The following CAPZB variants were observed in gnomAD, a reference collection of about 807,000 sequenced individuals.
The protein encoded by CAPZB is F-actin-capping protein subunit beta.
CAPZB carries 2 observed loss-of-function variants against 38.1 expected under a neutral mutation model. That is an observed-to-expected ratio of 0.05 (90% CI 0.02 to 0.17). The LOEUF is 0.17. Among genes scored for constraint, CAPZB ranks in the 10% least tolerant of loss-of-function variants. The pLI, the probability that CAPZB is intolerant of heterozygous loss-of-function variation, is 1.00. For missense variants in CAPZB, 161 were observed against 334.2 expected (o/e 0.48, Z 4.04); for synonymous variants, 107 against 127.4 (o/e 0.84, Z 1.08).
At chr1:19,386,207 T>C (rs2094203179) in intron 2 of CAPZB, among the ~76,000 whole-genome samples, 1 of 152,152 alleles carries the variant, frequency 6.6e-6, no homozygotes, top group Non-Finnish European at 1.5e-5. Context: ...CACCTCCGGC[T>C]GGCCTGCCAG....
intron 1 of CAPZB, among the ~76,000 whole-genome samples, chr1:19,454,495 C>A (rs1049249937): frequency 6.6e-6 from 1 of 152,174 alleles, no homozygotes; most frequent in African/African-American, 2.4e-5. Flanking sequence ...CACTCCTGAG[C>A]GCTTAGAGTA....
At chr1:19,449,172 A>G (rs2094506305) in intron 1 of CAPZB, 1 of 1,294,548 alleles carries the variant, frequency 7.7e-7, no homozygotes, top group Non-Finnish European at 9.9e-7. Context: ...CACAAAGTGC[A>G]CTGCGGTGTC....
At chr1:19,368,081 C>T (rs1438301541) in intron 4 of CAPZB, among the ~76,000 whole-genome samples, 1 of 152,166 alleles carries the variant, frequency 6.6e-6, no homozygotes, top group Non-Finnish European at 1.5e-5. Flanking sequence ...GTGTCAGGGG[C>T]TTTGCATATC....
intron 3 of CAPZB, among the ~76,000 whole-genome samples, chr1:19,384,044 A>G (rs1016561262): frequency 6.6e-6 from 1 of 152,248 alleles, no homozygotes; most frequent in African/African-American, 2.4e-5. Flanking sequence ...CATGATTATA[A>G]AACTGTTGTC....
At chr1:19,370,363 G>A (rs1459645386) in intron 4 of CAPZB, among the ~76,000 whole-genome samples, 1 of 152,206 alleles carries the variant, frequency 6.6e-6, no homozygotes, top group Non-Finnish European at 1.5e-5. Context: ...GGTTATTGAA[G>A]GGAACAGAGC....
intron 6 of CAPZB, among the ~76,000 whole-genome samples, chr1:19,353,869 G>A (rs568578351): frequency 1.1e-4 from 16 of 152,336 alleles, no homozygotes; most frequent in Non-Finnish European, 1.8e-4. Context: ...CGCCGTGTGC[G>A]GCTCTGCAGG....
rs933321302 is a variant in CAPZB, at chr1:19,378,932, C to T, written c.216-279G>A. ...CTCCCTGAGCCTCACTTTTCTCCTG[C>T]GTAAAATGCGGCTGCTACTTGCTCC... is the stretch of plus-strand genomic sequence containing the variant. On this transcript the variant is annotated intron_variant, in intron 3 of 8. Coordinates refer to ENST00000264202, the MANE Select transcript of CAPZB (RefSeq NM_004930.5). Among the ~76,000 whole-genome samples, 6 of 152,186 alleles carry T rather than the reference C, an allele frequency of 3.9e-5. No individual in the cohort carries two copies. In the East Asian group the frequency reaches 9.7e-4, roughly 25 times the overall value.
At chr1:19,396,069 T>G (rs576716634) in intron 2 of CAPZB, among the ~76,000 whole-genome samples, 1 of 152,220 alleles carries the variant, frequency 6.6e-6, no homozygotes, top group Non-Finnish European at 1.5e-5. Context: ...CCTCTTCCAC[T>G]GCAACCTCCC....
chr1:19,432,476 G>C (rs538823412), intron 1 of CAPZB, among the ~76,000 whole-genome samples: 30 of 152,278 alleles, frequency 2.0e-4, no homozygotes, highest in African/African-American at 6.3e-4. Context: ...CTTATATATT[G>C]TCCAGATAAT....
intron 1 of CAPZB, among the ~76,000 whole-genome samples, chr1:19,483,389 A>C (rs901146363): frequency 6.6e-6 from 1 of 152,202 alleles, no homozygotes; most frequent in Non-Finnish European, 1.5e-5. Context: ...ACCCTGAATA[A>C]GTCACTCCAC....
chr1:19,342,391 G>A (rs1162614986), intron 8 of CAPZB, among the ~76,000 whole-genome samples: 1 of 152,252 alleles, frequency 6.6e-6, no homozygotes, highest in Middle Eastern at 3.2e-3. Context: ...GAAGCATGGG[G>A]GGGTGGACGG....
intron 3 of CAPZB, among the ~76,000 whole-genome samples, chr1:19,380,882 G>C (rs529881283): frequency 6.0e-4 from 91 of 152,042 alleles, no homozygotes; most frequent in African/African-American, 2.2e-3. Context: ...TTTTAAGAAT[G>C]AATTTGGCCA....
chr1:19,427,730 C>T (rs373933613), intron 1 of CAPZB, among the ~76,000 whole-genome samples: 2 of 152,190 alleles, frequency 1.3e-5, no homozygotes, highest in African/African-American at 4.8e-5. Flanking sequence ...CACAAACACA[C>T]GAATACTCCT....
chr1:19,442,644 G>A (rs774653790), intron 1 of CAPZB, among the ~76,000 whole-genome samples: 11 of 152,126 alleles, frequency 7.2e-5, no homozygotes, highest in Non-Finnish European at 8.8e-5. Flanking sequence ...AGCCCTCCCG[G>A]GGCAGGGGGC....
At chr1:19,353,434 C>T (rs1164495531) in intron 6 of CAPZB, among the ~76,000 whole-genome samples, 2 of 112,172 alleles carry the variant, frequency 1.8e-5, no homozygotes, top group East Asian at 5.0e-4. Flanking sequence ...CCCCTGACCA[C>T]GCCACGCCAG....
intron 1 of CAPZB, among the ~76,000 whole-genome samples, chr1:19,461,472 C>T (rs1311039511): frequency 1.3e-5 from 2 of 152,148 alleles, no homozygotes. Flanking sequence ...GCACTCCAGT[C>T]GGGGTCTGTT....
chr1:19,457,080 C>A (rs1400770349), intron 1 of CAPZB, among the ~76,000 whole-genome samples: 1 of 152,176 alleles, frequency 6.6e-6, no homozygotes, highest in African/African-American at 2.4e-5. Flanking sequence ...AAAAGGCAGT[C>A]ATTCTACCCA....
chr1:19,469,741 TAC>T (rs60330360), intron 1 of CAPZB, among the ~76,000 whole-genome samples: 9,112 of 136,602 alleles, frequency 0.067, 380 homozygotes, highest in African/African-American at 0.12. Context: ...AGGAAAAGAA[TAC>T]ACACACACAC....
intron 4 of CAPZB, among the ~76,000 whole-genome samples, chr1:19,373,216 G>A (rs1468853518): frequency 2.0e-5 from 3 of 152,058 alleles, no homozygotes; most frequent in South Asian, 2.1e-4. Flanking sequence ...AGAGGGAGCC[G>A]TGAGGACACA....
Sources: allele counts gnomAD v4.1 joint callset (sites outside exome capture counted in the v4.1 genomes callset), GRCh38; gene constraint gnomAD v4.1.1; transcripts MANE v1.5; gene names NCBI Gene and HGNC (gene_info 2026-07-23, HGNC 2026-07-21).